INTS1: variants seen among roughly 807,000 people sequenced by gnomAD.
INTS1 encodes the protein integrator complex subunit 1.
In INTS1, 137 loss-of-function variants were observed where a neutral mutation model predicts 241.6. The ratio of observed to expected loss-of-function variants is 0.57; its 90% CI spans 0.49 to 0.65. The LOEUF (loss-of-function observed/expected upper bound fraction) is 0.65, where lower values mean the gene tolerates loss of function less well. Ranked by LOEUF, INTS1 falls within the 30% of genes least tolerant of loss-of-function variation. The pLI, the probability that INTS1 is intolerant of heterozygous loss-of-function variation, is 0.00. For synonymous variants in INTS1, 1,692 were observed against 1,337.8 expected (o/e 1.26, Z -5.78); for missense variants, 3,073 against 3,032.2 (o/e 1.01, Z -0.32).
chr7:1,470,441 G>A lies in INTS1; in HGVS notation c.*136C>T. ...CCCAGGGCTCGGAGTATTGCTCCTG[G>A]GCCTGCCTGGCCTCAGGGCTCGGCG... is the stretch of plus-strand genomic sequence containing the variant. On this transcript the variant is annotated 3_prime_UTR_variant, in exon 48 of 48. Coordinates refer to ENST00000404767, the MANE Select transcript of INTS1 (RefSeq NM_001080453.3). 2 of 631,176 alleles carry A rather than the reference G, an allele frequency of 3.2e-6. No individual in the cohort carries two copies. The highest frequency in any genetic ancestry group is 5.2e-6 in the Non-Finnish European group (2 of 384,060). The allele number at this position is 631,176 out of a possible 1,614,324, so 39.1% of individuals were successfully genotyped here.
chr7:1,472,481 C>T, intron 43 of INTS1, 95 bp from the exon 44 acceptor site: 2 of 840,500 alleles, frequency 2.4e-6, no homozygotes, highest in Non-Finnish European at 1.8e-6. Flanking sequence ...ACGGCGGCCA[C>T]TGCCCAGGCT....
chr7:1,482,651 G>A lies in INTS1; in HGVS notation c.3598C>T (p.Leu1200=), dbSNP rs574365331. The A allele has an allele frequency of 3.1e-6, 5 of 1,612,824 alleles. No homozygotes were observed. Among genetic ancestry groups the A allele is most frequent in the East Asian group, 2.2e-5 (1 of 44,876 alleles). The change falls in exon 27 of 48, where the codon CTG becomes TTG. Residue 1200 remains leucine, a synonymous_variant. Coordinates refer to ENST00000404767, the MANE Select transcript of INTS1 (RefSeq NM_001080453.3). ...GTGTCCACCAGGAAGGCGGTGGGCAGTGGCTTCTCCTCCGGAAACCAGATG... is the reference window on the plus strand; with the variant it reads ...GTGTCCACCAGGAAGGCGGTGGGCAATGGCTTCTCCTCCGGAAACCAGATG... The part of the protein sequence containing the change: ...LDIWFPEEKP[L]PTAFLVDTSE...
chr7:1,497,329 G>A lies in INTS1; in HGVS notation c.1426-15C>T. 1 of 1,607,708 alleles carries A rather than the reference G, an allele frequency of 6.2e-7. No homozygotes were observed. The highest frequency in any genetic ancestry group is 8.5e-7 in the Non-Finnish European group (1 of 1,176,918). On this transcript the variant is annotated splice_polypyrimidine_tract_variant and intron_variant, in intron 10 of 47. Transcript: ENST00000404767. This position sits in a 1 kb window ranked among gnomAD's most constrained non-coding sequence, Gnocchi z 5.3. The stretch of plus-strand genomic sequence containing the variant: ...ATGGCCAGGAACTGGGGCAGAGAGA[G>A]GCCGCGTGGGAGGCTGCCCGACAGT...
In INTS1 at chr7:1,484,055, C is replaced by T. The variant is rs748612952; in HGVS notation, c.3377G>A (p.Arg1126His). 4.3e-6 allele frequency: 7 copies of T among 1,612,366 alleles called. No homozygotes were observed. Among genetic ancestry groups the T allele is most frequent in the Middle Eastern group, 1.7e-4 (1 of 6,058 alleles). The change falls in exon 25 of 48, where the codon CGC becomes CAC. Residue 1126 changes from arginine (R) to histidine (H), a missense_variant. Coordinates refer to ENST00000404767, the MANE Select transcript of INTS1 (RefSeq NM_001080453.3). ...GCTCTGCCGCATGCGCCTCACGTAG[C>T]GTGAGAAGATGGACAACAGAGCGCT... The part of the protein sequence containing the change: ...VLSALLSIFS[R>H]YVRRMRQSKE...
chr7:1,472,975 G>A (rs1360141649), intron 43 of INTS1, 97 bp downstream of exon 43: 5 of 750,900 alleles, frequency 6.7e-6, no homozygotes, highest in South Asian at 3.8e-5. Context: ...CCATCGGGAC[G>A]CCTCGGACGG....
intron 37 of INTS1, 23 bp downstream of exon 37, chr7:1,476,547 T>G (rs1781731972): frequency 1.2e-6 from 2 of 1,611,432 alleles, no homozygotes; most frequent in South Asian, 2.2e-5. Context: ...CTCTCCCGGA[T>G]GGGCCACCCT....
chr7:1,499,458 G>A lies in INTS1; in HGVS notation c.844+15C>T, dbSNP rs1353502197. On this transcript the variant is annotated intron_variant, in intron 6 of 47. Transcript: ENST00000404767. Reference sequence around the variant, plus strand: ...GCTTGGACACCCGCCCTCTCTGGCTGGCCGTGTGTCTCACCTGCACCCAGG... The same window carrying A: ...GCTTGGACACCCGCCCTCTCTGGCTAGCCGTGTGTCTCACCTGCACCCAGG... 3.2e-6 allele frequency: 5 copies of A among 1,576,598 alleles called. No individual in the cohort carries two copies. Among genetic ancestry groups the A allele is most frequent in the Admixed American group, 1.8e-5 (1 of 56,584 alleles).
chr7:1,498,946 C>CGGG, intron 8 of INTS1, 29 bp downstream of exon 8: 6 of 1,194,086 alleles, frequency 5.0e-6, no homozygotes, highest in Non-Finnish European at 5.9e-6. Flanking sequence ...ACCCCCTGCC[C>CGGG]CGCCCACCCC....
Position 1,481,229 on chromosome 7 carries a change from C to T in INTS1, c.3850+113G>A. ...TAAGCCTGCCCTCGAGTGCCACCCA[C>T]ACCCACCCGACCTCGGATCACCCAC... On this transcript the variant is annotated intron_variant, in intron 28 of 47. Transcript: ENST00000404767. This position sits in a 1 kb window ranked among gnomAD's most constrained non-coding sequence, Gnocchi z 6.8. 3 of 1,248,428 alleles carry T rather than the reference C, an allele frequency of 2.4e-6. No individual in the cohort carries two copies. Among genetic ancestry groups the T allele is most frequent in the Non-Finnish European group, 2.3e-6 (2 of 876,696 alleles). 77.3% of individuals were successfully genotyped at this position (1,248,428 alleles called of 1,614,324 possible). A position where few individuals can be genotyped will look rare whatever the true frequency, so the allele number is the denominator to read the frequency against.
At chr7:1,483,519 G>A in intron 26 of INTS1, 1 of 602,618 alleles carries the variant, frequency 1.7e-6, no homozygotes, top group South Asian at 1.8e-5. Flanking sequence ...TACAGGCTGG[G>A]AGGTCCCACC....
chr7:1,502,144 C>A (rs1168293084), intron 3 of INTS1, among the ~76,000 whole-genome samples: 1 of 152,122 alleles, frequency 6.6e-6, no homozygotes, highest in Non-Finnish European at 1.5e-5. Flanking sequence ...CTTGAACAGA[C>A]ACCTCACTAC....
In INTS1 at chr7:1,476,799, T is replaced by C. The variant is rs2128533951; in HGVS notation, c.5058A>G (p.Glu1686=). ...GGGGACAGGGAGGCGCCCACCTCTG[T>C]TCCCGGCTCTTGCCCAGCAGGACTC... ...CIRVLLGKSR[E]QRFDPSASLD... is the part of the protein sequence containing the mutation. Residue 1686 remains glutamate, a synonymous_variant, in exon 36 of 48, where the codon GAA becomes GAG. Transcript: ENST00000404767. The C allele has an allele frequency of 1.2e-6, 2 of 1,612,852 alleles. No homozygotes were observed. The highest frequency in any genetic ancestry group is 1.1e-5 in the South Asian group (1 of 91,078).
At chr7:1,479,797 C>G in intron 30 of INTS1, 113 bp from the exon 31 acceptor site, 1 of 1,183,522 alleles carries the variant, frequency 8.4e-7, no homozygotes, top group Non-Finnish European at 1.1e-6. Context: ...CCATCGTGTC[C>G]CTGTTCATTC....
intron 16 of INTS1, among the ~76,000 whole-genome samples, chr7:1,490,059 C>T (rs149913894): frequency 2.7e-5 from 4 of 146,268 alleles, no homozygotes; most frequent in African/African-American, 7.9e-5. Flanking sequence ...ACGGGCCCCT[C>T]GGGTGAGGAA....
chr7:1,482,462 G>C, intron 27 of INTS1, 84 bp downstream of exon 27: 1 of 1,396,564 alleles, frequency 7.2e-7, no homozygotes, highest in Non-Finnish European at 9.7e-7. Flanking sequence ...CACAGCCGGA[G>C]GCTGCCCAGG....
chr7:1,489,716 C>T (rs761540285), intron 16 of INTS1, 34 bp from the exon 17 acceptor site: 26 of 1,409,688 alleles, frequency 1.8e-5, no homozygotes, highest in East Asian at 5.0e-5. Context: ...TCAGGCCCAG[C>T]GCACCAAGCT....
chr7:1,488,921 A>ACACCTGGCCCACTGGCCAGTGTTAAAGCC (rs1323187559), intron 18 of INTS1, among the ~76,000 whole-genome samples: 16 of 152,206 alleles, frequency 1.1e-4, no homozygotes, highest in Admixed American at 1.0e-3. Flanking sequence ...ACGCAGGGTC[A>ACACCTGGCCCACTGGCCAGTGTTAAAGCC]CACCTGGCCC....
intron 2 of INTS1, among the ~76,000 whole-genome samples, chr7:1,503,662 T>C (rs1182273595): frequency 6.6e-6 from 1 of 152,110 alleles, no homozygotes; most frequent in Non-Finnish European, 1.5e-5. Flanking sequence ...GTCGGCCGCC[T>C]TGCAGCTCAG....
intron 35 of INTS1, 112 bp downstream of exon 35, chr7:1,477,438 G>A: frequency 3.2e-6 from 4 of 1,236,072 alleles, no homozygotes; most frequent in South Asian, 3.2e-5. Flanking sequence ...TGAGAGCAGG[G>A]GGGGTGCTGG....
Sources: allele counts gnomAD v4.1 joint callset (sites outside exome capture counted in the v4.1 genomes callset), GRCh38; gene constraint gnomAD v4.1.1; non-coding constraint Gnocchi (gnomAD v3.1); transcripts MANE v1.5; gene names NCBI Gene and HGNC (gene_info 2026-07-23, HGNC 2026-07-21).